The following RAPGEF2 variants were observed in gnomAD, a reference collection of about 807,000 sequenced individuals.
The protein encoded by RAPGEF2 is Rap guanine nucleotide exchange factor 2.
RAPGEF2 carries 54 observed loss-of-function variants against 186.7 expected under a neutral mutation model. The observed-to-expected ratio is 0.29, with a 90% CI of 0.23 to 0.36. The LOEUF is 0.36. RAPGEF2 is among the 10% of genes least tolerant of loss of function. The probability of loss-of-function intolerance (pLI) is 1.00; values close to 1 mark genes in which losing one functional copy is unlikely to be tolerated. For synonymous variants in RAPGEF2, 712 were observed against 705.9 expected (o/e 1.01, Z -0.14); for missense variants, 1,532 against 2,045.0 (o/e 0.75, Z 4.84).
intron 7 of RAPGEF2, among the ~76,000 whole-genome samples, chr4:159,301,872 A>T (rs901301438): frequency 6.6e-5 from 10 of 151,776 alleles, no homozygotes; most frequent in African/African-American, 1.7e-4. Context: ...AATAAAAAAT[A>T]AAAAAAAATC....
chr4:159,269,317 G>A (rs1366162925), intron 7 of RAPGEF2, among the ~76,000 whole-genome samples: 4 of 152,154 alleles, frequency 2.6e-5, no homozygotes, highest in African/African-American at 9.6e-5. Context: ...TGCGAGCTGC[G>A]CTTAAGGCAG....
Position 159,331,520 on chromosome 4 carries a change from A to G in RAPGEF2, c.1557A>G (p.Glu519=). 6.2e-7 allele frequency: 1 copy of G among 1,613,058 alleles called. No homozygotes were observed. The highest frequency in any genetic ancestry group is 8.5e-7 in the Non-Finnish European group (1 of 1,179,208). The change falls in exon 14 of 30, where the codon GAA becomes GAG. Residue 519 remains glutamate, a synonymous_variant. Transcript: ENST00000691494. ...TGACTCGATTTTTAGAAGAATTTGA[A>G]AACAATCTGGAAAGAGAGGTAATAT... is the stretch of plus-strand genomic sequence containing the variant. The part of the protein sequence containing the change: ...PAMTRFLEEF[E]NNLEREKMGG...
chr4:159,242,349 C>T (rs1332515063), intron 6 of RAPGEF2, among the ~76,000 whole-genome samples: 1 of 151,674 alleles, frequency 6.6e-6, no homozygotes. Flanking sequence ...TTTTCCTTTA[C>T]CTTTTTTTTC....
intron 7 of RAPGEF2, among the ~76,000 whole-genome samples, chr4:159,287,499 C>G (rs146048923): frequency 6.6e-6 from 1 of 152,164 alleles, no homozygotes; most frequent in South Asian, 2.1e-4. Flanking sequence ...CCAAAAATCA[C>G]GTAAAGCTAC....
At chr4:159,203,173 G>A (rs1157335301) in intron 3 of RAPGEF2, among the ~76,000 whole-genome samples, 1 of 152,038 alleles carries the variant, frequency 6.6e-6, no homozygotes, top group Non-Finnish European at 1.5e-5. Flanking sequence ...GCCACCTTGT[G>A]GATCTCTAGG....
intron 1 of RAPGEF2, among the ~76,000 whole-genome samples, chr4:159,135,791 G>A (rs990766828): frequency 2.0e-5 from 3 of 152,024 alleles, no homozygotes; most frequent in Non-Finnish European, 2.9e-5. Flanking sequence ...GAGAGATGGG[G>A]TTTCACCATG....
intron 19 of RAPGEF2, among the ~76,000 whole-genome samples, chr4:159,340,667 C>CCACACACACACACACACA (rs3071283): frequency 1.3e-5 from 1 of 76,846 alleles, no homozygotes; most frequent in African/African-American, 5.4e-5. Context: ...ACCACCATCA[C>CCACACACACACACACACA]CACACACACA....
rs184905817 is a variant in RAPGEF2 at position 159,331,697 on chromosome 4, C to A, written c.1643C>A (p.Thr548Lys). ...CAAKAKRRLM[T>K]LTKPSREAPL... is the part of the protein sequence containing the mutation. ...GCTAAAGCAAAAAGAAGATTGATGA[C>A]GTTAACAAAACCATCCCGAGAAGCT... The change falls in exon 15 of 30, where the codon ACG becomes AAG. Residue 548 changes from threonine (T) to lysine (K), a missense_variant. By Grantham distance (78) the Thr-to-Lys change is moderately conservative. This residue lies in a region of RAPGEF2 where 810 missense variants were observed against 1,210.5 expected (regional missense o/e 0.67). Coordinates refer to ENST00000691494, the MANE Select transcript of RAPGEF2 (RefSeq NM_001394067.2). The A allele has an allele frequency of 1.2e-6, 2 of 1,613,976 alleles. No individual in the cohort carries two copies. The highest frequency in any genetic ancestry group is 1.3e-5 in the African/African-American group (1 of 74,902).
chr4:159,322,308 AAGT>A, intron 9 of RAPGEF2, 36 bp from the exon 10 acceptor site: 2 of 1,588,010 alleles, frequency 1.3e-6, no homozygotes, highest in Non-Finnish European at 8.6e-7. Context: ...TTTTTAATAA[AAGT>A]AGTAGTTTTT....
In RAPGEF2 at chr4:159,275,054, CGTGTGTGTGTGTGT is replaced by C. The variant is rs35461332; in HGVS notation, c.544-29259_544-29246del. Among the ~76,000 whole-genome samples the C allele has an allele frequency of 2.3e-3, 338 of 143,982 alleles. 2 individuals carry two copies. Among genetic ancestry groups the C allele is most frequent in the East Asian group, 0.014 (69 of 4,856 alleles). 94.5% of individuals were successfully genotyped at this position (143,982 alleles called of 152,430 possible). ...TGTAGTTATGTTTTTCTCTGTCTCT[CGTGTGTGTGTGTGT>C]GTGTGTGTGTGTGTGTGTGTGTGTG... is the stretch of plus-strand genomic sequence containing the variant. On this transcript the variant is annotated intron_variant, in intron 7 of 29. Transcript: ENST00000691494.
intron 5 of RAPGEF2, among the ~76,000 whole-genome samples, chr4:159,239,592 A>G (rs146954777): frequency 0.014 from 2,143 of 152,306 alleles, 18 homozygotes; most frequent in Middle Eastern, 0.068. Context: ...GATATTAGCA[A>G]CATACTTTGA....
At chr4:159,217,960 T>G (rs1010449403) in intron 4 of RAPGEF2, among the ~76,000 whole-genome samples, 1 of 152,236 alleles carries the variant, frequency 6.6e-6, no homozygotes, top group Non-Finnish European at 1.5e-5. Flanking sequence ...GAAGACAAAT[T>G]TAAGTGTTTC....
At chr4:159,153,774 T>C (rs1743817648) in intron 1 of RAPGEF2, among the ~76,000 whole-genome samples, 1 of 152,224 alleles carries the variant, frequency 6.6e-6, no homozygotes, top group African/African-American at 2.4e-5. Flanking sequence ...TTGAAAGTTA[T>C]TTGTAGAATT....
At chr4:159,288,503 C>T (rs567649254) in intron 7 of RAPGEF2, among the ~76,000 whole-genome samples, 1 of 152,196 alleles carries the variant, frequency 6.6e-6, no homozygotes, top group Admixed American at 6.5e-5. Context: ...ACTTGTCTTC[C>T]TACTTCCATT....
intron 1 of RAPGEF2, among the ~76,000 whole-genome samples, chr4:159,134,444 T>C (rs929283229): frequency 8.5e-5 from 13 of 152,248 alleles, no homozygotes; most frequent in African/African-American, 2.2e-4. Context: ...CTGCTATAAA[T>C]GTTCACATAT....
intron 1 of RAPGEF2, among the ~76,000 whole-genome samples, chr4:159,159,802 A>G (rs1744512966): frequency 6.6e-6 from 1 of 152,222 alleles, no homozygotes; most frequent in Non-Finnish European, 1.5e-5. Flanking sequence ...CTCAACTCGT[A>G]TAGCAGCATC....
At chr4:159,128,919 GGGGTGTGTGT>G (rs772746406) in intron 1 of RAPGEF2, 709 of 57,252 alleles carry the variant, frequency 0.012, 8 homozygotes, top group African/African-American at 0.053. Flanking sequence ...ATACATATGG[GGGGTGTGTGT>G]GTGTGTGTGT....
At chr4:159,153,542 C>T (rs1055218197) in intron 1 of RAPGEF2, among the ~76,000 whole-genome samples, 1 of 152,142 alleles carries the variant, frequency 6.6e-6, no homozygotes, top group Non-Finnish European at 1.5e-5. Flanking sequence ...TTTTAGAGGT[C>T]CGTCTTGGTA....
chr4:159,199,503 G>A (rs1170427061), intron 3 of RAPGEF2, among the ~76,000 whole-genome samples: 1 of 151,778 alleles, frequency 6.6e-6, no homozygotes, highest in Non-Finnish European at 1.5e-5. Context: ...TCAAAAGAAG[G>A]AACTCCTTTG....
Sources: gnomAD v4.1 joint callset for allele counts (sites outside exome capture counted in the v4.1 genomes callset) on GRCh38, gnomAD v4.1.1 for gene constraint, gnomAD v4.1.1 regional missense constraint, MANE v1.5 for transcripts, NCBI Gene and HGNC (gene_info 2026-07-23, HGNC 2026-07-21) for gene names.